FRMD4B: variants seen among roughly 807,000 people sequenced by gnomAD.
The protein encoded by FRMD4B is FERM domain-containing protein 4B.
In FRMD4B, 74 loss-of-function variants were observed where a neutral mutation model predicts 141.5. The ratio of observed to expected loss-of-function variants is 0.52; its 90% CI spans 0.43 to 0.63. The LOEUF (loss-of-function observed/expected upper bound fraction) is 0.63, where lower values mean the gene tolerates loss of function less well. Ranked by LOEUF, FRMD4B falls within the 30% of genes least tolerant of loss-of-function variation. FRMD4B has a pLI of 0.00. For synonymous variants in FRMD4B, 506 were observed against 467.9 expected (o/e 1.08, Z -1.05); for missense variants, 1,366 against 1,253.4 (o/e 1.09, Z -1.36).
intron 8 of FRMD4B, 114 bp downstream of exon 8, chr3:69,224,493 T>C (rs563543859): frequency 8.6e-6 from 6 of 698,994 alleles, no homozygotes; most frequent in South Asian, 4.7e-5. Context: ...CTTTATACAA[T>C]TGATTGGCAA....
chr3:69,437,907 T>G (rs1705285502), intron 1 of FRMD4B, among the ~76,000 whole-genome samples: 2 of 135,838 alleles, frequency 1.5e-5, no homozygotes, highest in Admixed American at 7.8e-5. Flanking sequence ...ATACTATTAT[T>G]GTATAATATA....
intron 1 of FRMD4B, among the ~76,000 whole-genome samples, chr3:69,470,736 C>G (rs959855591): frequency 1.3e-5 from 2 of 152,140 alleles, no homozygotes; most frequent in African/African-American, 2.4e-5. Flanking sequence ...GAACTACATT[C>G]CTAGGGCAAT....
At chr3:69,427,023 C>T (rs1438808091) in intron 2 of FRMD4B, among the ~76,000 whole-genome samples, 1 of 151,964 alleles carries the variant, frequency 6.6e-6, no homozygotes, top group African/African-American at 2.4e-5. Context: ...AAGTTTTAAG[C>T]AAAGTCTACT....
At chr3:69,498,281 G>A (rs146358667) in intron 1 of FRMD4B, among the ~76,000 whole-genome samples, 40 of 152,296 alleles carry the variant, frequency 2.6e-4, no homozygotes, top group Non-Finnish European at 4.7e-4. Flanking sequence ...GCTAATGGGC[G>A]AAGTTTACAT....
chr3:69,304,505 AC>A (rs1472561422), intron 3 of FRMD4B, among the ~76,000 whole-genome samples: 5 of 151,072 alleles, frequency 3.3e-5, no homozygotes, highest in East Asian at 3.9e-4. Context: ...AAAAAAAAAA[AC>A]AGTACAGGGC....
rs547553784 is a variant in FRMD4B, at chr3:69,345,565, C to G, written c.163-32048G>C. ...AAGTGGGTCCCTGACCCCCGAATAG[C>G]CTAACAGGGTGGCACCCCTCAGTAG... On this transcript the variant is annotated intron_variant, in intron 1 of 22. Transcript: ENST00000398540. Among the ~76,000 whole-genome samples, 7 of 152,330 alleles carry G rather than the reference C, an allele frequency of 4.6e-5. No individual in the cohort carries two copies. The South Asian group carries it at 1.4e-3, about 32-fold the overall frequency.
chr3:69,492,766 A>C (rs947351972), intron 1 of FRMD4B, among the ~76,000 whole-genome samples: 3 of 152,188 alleles, frequency 2.0e-5, no homozygotes, highest in African/African-American at 7.2e-5. Flanking sequence ...ATGCTTGGCA[A>C]CCTAACCTTC....
intron 4 of FRMD4B, among the ~76,000 whole-genome samples, chr3:69,300,824 C>T (rs917538153): frequency 4.6e-5 from 7 of 151,956 alleles, no homozygotes; most frequent in African/African-American, 7.3e-5. Context: ...CTGCAGCCTC[C>T]GCCTCCAGGG....
chr3:69,358,782 A>C (rs534175333), intron 1 of FRMD4B, among the ~76,000 whole-genome samples: 189 of 152,274 alleles, frequency 1.2e-3, no homozygotes, highest in South Asian at 2.9e-3. Flanking sequence ...GACCTTCAAG[A>C]CATGATAATG....
At chr3:69,282,051 C>T (rs1350408798) in intron 5 of FRMD4B, among the ~76,000 whole-genome samples, 4 of 152,064 alleles carry the variant, frequency 2.6e-5, no homozygotes, top group Admixed American at 1.3e-4. Flanking sequence ...AAATGACATA[C>T]TCATGAGGCT....
intron 1 of FRMD4B, among the ~76,000 whole-genome samples, chr3:69,495,070 G>C (rs1169734463): frequency 6.6e-6 from 1 of 152,148 alleles, no homozygotes; most frequent in Non-Finnish European, 1.5e-5. Flanking sequence ...TTCCAGAAGT[G>C]GTTGCAAGGT....
At chr3:69,254,369 G>T (rs1211340125) in intron 5 of FRMD4B, among the ~76,000 whole-genome samples, 2 of 152,044 alleles carry the variant, frequency 1.3e-5, no homozygotes, top group South Asian at 4.2e-4. Context: ...TCAGCCTCCC[G>T]AAGTGCTTAG....
intron 1 of FRMD4B, among the ~76,000 whole-genome samples, chr3:69,361,348 C>T (rs1575763976): frequency 6.6e-6 from 1 of 152,130 alleles, no homozygotes; most frequent in African/African-American, 2.4e-5. Context: ...ATTTACTACT[C>T]AAAACCTGGG....
chr3:69,459,304 A>G (rs1705672564), intron 1 of FRMD4B, among the ~76,000 whole-genome samples: 1 of 152,190 alleles, frequency 6.6e-6, no homozygotes, highest in Non-Finnish European at 1.5e-5. Flanking sequence ...CTTTCTTATT[A>G]AAGTGCAGCA....
intron 1 of FRMD4B, among the ~76,000 whole-genome samples, chr3:69,364,337 C>G (rs537320818): frequency 1.3e-5 from 2 of 152,194 alleles, no homozygotes; most frequent in African/African-American, 2.4e-5. Flanking sequence ...CAAGCTGGCC[C>G]CTTGGTGGCC....
At chr3:69,423,493 T>C (rs990907375) in intron 2 of FRMD4B, among the ~76,000 whole-genome samples, 1 of 152,208 alleles carries the variant, frequency 6.6e-6, no homozygotes, top group African/African-American at 2.4e-5. Context: ...GTTTTACACA[T>C]GTTGGTGCTT....
chr3:69,425,476 A>G (rs1051194572), intron 2 of FRMD4B, among the ~76,000 whole-genome samples: 4 of 152,216 alleles, frequency 2.6e-5, no homozygotes, highest in African/African-American at 9.6e-5. Flanking sequence ...TTCACTTCCA[A>G]TGCACAACTG....
intron 7 of FRMD4B, among the ~76,000 whole-genome samples, chr3:69,230,032 A>AG (rs2093291482): frequency 6.6e-6 from 1 of 150,724 alleles, no homozygotes; most frequent in Non-Finnish European, 1.5e-5. Flanking sequence ...GCTGGAGTGC[A>AG]GTGGCGCAAT....
At chr3:69,213,066 A>G (rs1389548084) in intron 11 of FRMD4B, among the ~76,000 whole-genome samples, 3 of 152,226 alleles carry the variant, frequency 2.0e-5, no homozygotes, top group African/African-American at 7.2e-5. Flanking sequence ...TAAATAAATT[A>G]TGTATTTCCA....
Sources: allele counts gnomAD v4.1 joint callset (sites outside exome capture counted in the v4.1 genomes callset), GRCh38; gene constraint gnomAD v4.1.1; transcripts MANE v1.5; gene names NCBI Gene and HGNC (gene_info 2026-07-23, HGNC 2026-07-21).